MARCHF1: variants seen among roughly 807,000 people sequenced by gnomAD.
MARCHF1 encodes the protein E3 ubiquitin-protein ligase MARCHF1.
A neutral mutation model predicts 54.2 loss-of-function variants in MARCHF1; 40 were observed. That is an observed-to-expected ratio of 0.74 (90% CI 0.57 to 0.96). The LOEUF (loss-of-function observed/expected upper bound fraction) is 0.96. Among genes scored for constraint, MARCHF1 ranks in the 40% least tolerant of loss-of-function variants. The probability of loss-of-function intolerance (pLI) is 0.00; values close to 1 mark genes in which losing one functional copy is unlikely to be tolerated. For missense variants in MARCHF1, 586 were observed against 656.5 expected (o/e 0.89, Z 1.17); for synonymous variants, 236 against 236.3 (o/e 1.00, Z 0.01).
chr4:163,736,000 C>A (rs1203705936), intron 4 of MARCHF1, among the ~76,000 whole-genome samples: 1 of 151,892 alleles, frequency 6.6e-6, no homozygotes. Flanking sequence ...AAGTTAGGCA[C>A]AATAAAATAT....
chr4:163,651,155 T>C (rs1742948940), intron 5 of MARCHF1, among the ~76,000 whole-genome samples: 1 of 151,958 alleles, frequency 6.6e-6, no homozygotes, highest in Non-Finnish European at 1.5e-5. Context: ...AATGAATGAA[T>C]GGCTTGTTTT....
intron 1 of MARCHF1, among the ~76,000 whole-genome samples, chr4:164,366,949 C>T (rs1730897098): frequency 6.6e-6 from 1 of 151,822 alleles, no homozygotes; most frequent in Non-Finnish European, 1.5e-5. Flanking sequence ...TTAATTCAAA[C>T]CACTGCAATA....
intron 1 of MARCHF1, among the ~76,000 whole-genome samples, chr4:164,328,986 A>C (rs1735356725): frequency 6.6e-6 from 1 of 152,210 alleles, no homozygotes; most frequent in African/African-American, 2.4e-5. Context: ...AACCACTAAT[A>C]TATTCCAAAT....
Position 163,986,246 on chromosome 4 carries a change from C to CTTTTTTTTTTTTTTTTTTTTTTTT in MARCHF1, c.-39+2254_-39+2255insAAAAAAAAAAAAAAAAAAAAAAAA, listed in dbSNP as rs1752861022. 1.1e-4 allele frequency among the ~76,000 whole-genome samples: 8 copies of CTTTTTTTTTTTTTTTTTTTTTTTT among 73,774 alleles called. 1 individual carries two copies. The highest frequency in any genetic ancestry group is 1.9e-4 in the Non-Finnish European group (7 of 36,396). The allele number at this position is 73,774 out of a possible 152,430, so 48.4% of individuals were successfully genotyped here. On this transcript the variant is annotated intron_variant, in intron 3 of 9. Coordinates refer to ENST00000514618, the MANE Select transcript of MARCHF1 (RefSeq NM_001394959.1). ...CCTTTCCTTTTCTCCTAATTAACCT[C>CTTTTTTTTTTTTTTTTTTTTTTTT]TTCTTTTTTTTTTTTTTTTTTTTTT... is the stretch of plus-strand genomic sequence containing the variant.
chr4:164,125,096 T>G (rs1756151589), intron 1 of MARCHF1, among the ~76,000 whole-genome samples: 1 of 152,032 alleles, frequency 6.6e-6, no homozygotes, highest in African/African-American at 2.4e-5. Flanking sequence ...AAATAAATTT[T>G]AAAATAGAAT....
At chr4:164,235,325 T>G (rs1422602673) in intron 1 of MARCHF1, among the ~76,000 whole-genome samples, 1 of 152,104 alleles carries the variant, frequency 6.6e-6, no homozygotes, top group Non-Finnish European at 1.5e-5. Context: ...TATTAAATGT[T>G]TTCTTCACGT....
At chr4:164,055,823 G>A (rs946175069) in intron 2 of MARCHF1, among the ~76,000 whole-genome samples, 51 of 152,082 alleles carry the variant, frequency 3.4e-4, no homozygotes, top group African/African-American at 1.2e-3. Context: ...ATTTTGCCAG[G>A]TGTGGCTCAT....
At chr4:164,147,369 C>T (rs1363547840) in intron 1 of MARCHF1, among the ~76,000 whole-genome samples, 12 of 146,656 alleles carry the variant, frequency 8.2e-5, no homozygotes, top group East Asian at 7.9e-4. Context: ...AAGACACATG[C>T]GCACGTATGT....
chr4:163,967,278 G>C (rs1752461104), intron 3 of MARCHF1, among the ~76,000 whole-genome samples: 1 of 152,104 alleles, frequency 6.6e-6, no homozygotes, highest in South Asian at 2.1e-4. Context: ...ACAGAGGTAA[G>C]GTCGCTTCTT....
At chr4:164,353,853 G>T (rs938993696) in intron 1 of MARCHF1, among the ~76,000 whole-genome samples, 36 of 142,490 alleles carry the variant, frequency 2.5e-4, no homozygotes, top group Non-Finnish European at 6.1e-5. Flanking sequence ...CAACAAAATT[G>T]ATAGACTGCT....
At chr4:164,278,957 C>T (rs2111331996) in intron 1 of MARCHF1, among the ~76,000 whole-genome samples, 1 of 152,146 alleles carries the variant, frequency 6.6e-6, no homozygotes, top group Non-Finnish European at 1.5e-5. Context: ...CATGCCTATA[C>T]ATATACACAC....
intron 1 of MARCHF1, among the ~76,000 whole-genome samples, chr4:164,177,199 T>A (rs1302194099): frequency 6.6e-6 from 1 of 151,768 alleles, no homozygotes; most frequent in Non-Finnish European, 1.5e-5. Context: ...GGAACAATAC[T>A]GGCACATAGA....
chr4:164,182,519 C>T (rs895572778), intron 1 of MARCHF1, among the ~76,000 whole-genome samples: 4 of 151,842 alleles, frequency 2.6e-5, no homozygotes, highest in African/African-American at 9.7e-5. Context: ...CTCCTTCCTT[C>T]CTTCCTTCCA....
intron 5 of MARCHF1, among the ~76,000 whole-genome samples, chr4:163,661,680 A>C (rs1743348085): frequency 6.6e-6 from 1 of 152,074 alleles, no homozygotes; most frequent in Non-Finnish European, 1.5e-5. Flanking sequence ...GTTTTGAGAA[A>C]TGTGTAGATG....
At chr4:164,059,341 T>C (rs1195171363) in intron 2 of MARCHF1, among the ~76,000 whole-genome samples, 7 of 152,230 alleles carry the variant, frequency 4.6e-5, no homozygotes, top group Non-Finnish European at 8.8e-5. Context: ...AGATTCTTTC[T>C]CTTAGCAACG....
At chr4:164,165,018 T>C in intron 1 of MARCHF1, among the ~76,000 whole-genome samples, 1 of 151,972 alleles carries the variant, frequency 6.6e-6, no homozygotes, top group East Asian at 1.9e-4. Context: ...CAGTGCAATG[T>C]GGAGAAGGCA....
chr4:164,075,609 C>T (rs557746390), intron 2 of MARCHF1, among the ~76,000 whole-genome samples: 92 of 152,176 alleles, frequency 6.0e-4, no homozygotes, highest in Non-Finnish European at 1.2e-3. Context: ...TGTTACATGG[C>T]ATTGTTGTGG....
chr4:163,900,649 G>A (rs1226033866), intron 3 of MARCHF1, among the ~76,000 whole-genome samples: 8 of 152,118 alleles, frequency 5.3e-5, no homozygotes, highest in South Asian at 2.1e-4. Flanking sequence ...AAGGATTGTT[G>A]TGTGATATCA....
At chr4:164,213,532 G>T (rs1293255319) in intron 1 of MARCHF1, among the ~76,000 whole-genome samples, 1 of 151,918 alleles carries the variant, frequency 6.6e-6, no homozygotes, top group African/African-American at 2.4e-5. Context: ...ATCACGCCTG[G>T]CCTGGGCTTT....
Sources: gnomAD v4.1 joint callset for allele counts (sites outside exome capture counted in the v4.1 genomes callset) on GRCh38, gnomAD v4.1.1 for gene constraint, MANE v1.5 for transcripts, NCBI Gene and HGNC (gene_info 2026-07-23, HGNC 2026-07-21) for gene names.